The following BRD7 variants were observed in gnomAD, a reference collection of about 807,000 sequenced individuals.
BRD7 encodes bromodomain-containing protein 7.
A neutral mutation model predicts 82.1 loss-of-function variants in BRD7; 15 were observed. The ratio of observed to expected loss-of-function variants is 0.18; its 90% CI spans 0.12 to 0.28. The LOEUF is 0.28. Ranked by LOEUF, BRD7 falls within the 10% of genes least tolerant of loss-of-function variation. The pLI is 1.00. For missense variants in BRD7, 638 were observed against 779.9 expected (o/e 0.82, Z 2.17); for synonymous variants, 232 against 266.9 (o/e 0.87, Z 1.27).
At chr16:50,347,661 T>C (rs1406969571) in intron 5 of BRD7, among the ~76,000 whole-genome samples, 1 of 152,216 alleles carries the variant, frequency 6.6e-6, no homozygotes, top group Non-Finnish European at 1.5e-5. Flanking sequence ...CCATTCACAA[T>C]TGCTTCAAAG....
intron 5 of BRD7, 115 bp downstream of exon 5, chr16:50,349,908 T>C: frequency 9.6e-7 from 1 of 1,043,496 alleles, no homozygotes; most frequent in Admixed American, 2.8e-5. Flanking sequence ...ACAAAGATAC[T>C]GGATCTTAAA....
At chr16:50,360,280 T>G (rs995692267) in intron 2 of BRD7, among the ~76,000 whole-genome samples, 1 of 152,226 alleles carries the variant, frequency 6.6e-6, no homozygotes, top group African/African-American at 2.4e-5. Context: ...CACAAAAGCA[T>G]GCAAATTAAC....
At chr16:50,340,178 T>G (rs778408535) in intron 5 of BRD7, 92 bp from the exon 6 acceptor site, 1 of 597,534 alleles carries the variant, frequency 1.7e-6, no homozygotes, top group Non-Finnish European at 2.8e-6. Flanking sequence ...CTCTAAAAAT[T>G]TAAAAAGCAA....
intron 5 of BRD7, among the ~76,000 whole-genome samples, chr16:50,345,305 T>C (rs2038234811): frequency 6.6e-6 from 1 of 152,202 alleles, no homozygotes; most frequent in South Asian, 2.1e-4. Context: ...TACCAGCCAC[T>C]GCAAAAACAG....
At chr16:50,365,060 T>C (rs991729825) in intron 2 of BRD7, among the ~76,000 whole-genome samples, 2 of 152,180 alleles carry the variant, frequency 1.3e-5, no homozygotes, top group African/African-American at 4.8e-5. Context: ...TACTCCCGTA[T>C]GCAGAGAGGT....
At chr16:50,345,451 C>G (rs2038241448) in intron 5 of BRD7, among the ~76,000 whole-genome samples, 1 of 151,928 alleles carries the variant, frequency 6.6e-6, no homozygotes, top group Admixed American at 6.6e-5. Context: ...GCTAAATGCT[C>G]CAATTAAAAG....
In BRD7 at chr16:50,323,693, T is replaced by G. The variant is rs539023856; in HGVS notation, c.1337A>C (p.His446Pro). 2 of 1,612,574 alleles carry G rather than the reference T, an allele frequency of 1.2e-6. No individual in the cohort carries two copies. The highest frequency in any genetic ancestry group is 1.7e-6 in the Non-Finnish European group (2 of 1,178,746). The change falls in exon 12 of 17, where the codon CAT becomes CCT. Residue 446 changes from histidine (H) to proline (P), a missense_variant. Coordinates refer to ENST00000394688, the MANE Select transcript of BRD7 (RefSeq NM_013263.5). The part of the protein sequence containing the change: ...DSDLPSDFSI[H>P]EFLATCQDYP... ...ATCTTGGCACGTGGCCAAAAACTCATGGATGCTGCAAGAGACAGTTAGGAA... is the reference window on the plus strand; with the variant it reads ...ATCTTGGCACGTGGCCAAAAACTCAGGGATGCTGCAAGAGACAGTTAGGAA...
intron 6 of BRD7, among the ~76,000 whole-genome samples, chr16:50,337,386 G>C (rs1424963416): frequency 6.7e-6 from 1 of 150,048 alleles, no homozygotes; most frequent in Non-Finnish European, 1.5e-5. Context: ...TCAGCCTCCT[G>C]AGTAGCTGGA....
rs1319817940 is a variant in BRD7 at position 50,368,891 on chromosome 16, G to A, written c.-117C>T. 2.5e-5 allele frequency: 14 copies of A among 565,474 alleles called. No individual in the cohort carries two copies. The highest frequency in any genetic ancestry group is 1.3e-4 in the Admixed American group (2 of 15,418). 35.0% of individuals were successfully genotyped at this position (565,474 alleles called of 1,614,324 possible). On this transcript the variant is annotated 5_prime_UTR_variant, in exon 1 of 17. Transcript: ENST00000394688. ...CGGGGCCCGCGAGACCCCGCGCCGC[G>A]AGGCAGGGGGGCGGCGCGCGCCGGG...
At chr16:50,325,964 T>G in intron 10 of BRD7, 81 bp from the exon 11 acceptor site, 1 of 1,386,904 alleles carries the variant, frequency 7.2e-7, no homozygotes, top group Non-Finnish European at 9.7e-7. Context: ...GATTATTTAT[T>G]CTCTCCTAAC....
chr16:50,352,462 A>C (rs1325418699), intron 4 of BRD7, among the ~76,000 whole-genome samples: 1 of 152,190 alleles, frequency 6.6e-6, no homozygotes, highest in Non-Finnish European at 1.5e-5. Flanking sequence ...GGGCACTTAG[A>C]CTGATTCCAT....
At chr16:50,368,453 G>A (rs1186258223) in intron 1 of BRD7, 155 bp from the exon 2 acceptor site, 1 of 903,244 alleles carries the variant, frequency 1.1e-6, no homozygotes, top group Non-Finnish European at 1.6e-6. Context: ...CCGGCCCGGG[G>A]GTGCGGCGGC....
At chr16:50,366,355 G>C (rs2039143308) in intron 2 of BRD7, among the ~76,000 whole-genome samples, 1 of 152,304 alleles carries the variant, frequency 6.6e-6, no homozygotes, top group African/African-American at 2.4e-5. Context: ...GCCTCCAGGA[G>C]ACAGAAAGCT....
At chr16:50,341,316 T>C (rs2038043496) in intron 5 of BRD7, among the ~76,000 whole-genome samples, 1 of 151,936 alleles carries the variant, frequency 6.6e-6, no homozygotes. Flanking sequence ...AAGACCTTTG[T>C]TACAGATATT....
chr16:50,319,851 A>G, intron 16 of BRD7, 36 bp downstream of exon 16: 1 of 1,602,450 alleles, frequency 6.2e-7, no homozygotes. Flanking sequence ...TAGTCACCAT[A>G]GCTTTCTGCT....
intron 1 of BRD7, 188 bp from the exon 2 acceptor site, chr16:50,368,486 A>T: frequency 1.3e-6 from 1 of 767,126 alleles, no homozygotes. Flanking sequence ...GAACGCTCCC[A>T]GGCCTCCCGG....
At chr16:50,351,823 GGT>G (rs140591640) in intron 4 of BRD7, among the ~76,000 whole-genome samples, 36,075 of 151,826 alleles carry the variant, frequency 0.24, 4,938 homozygotes, top group African/African-American at 0.36. Flanking sequence ...AGGATACTTC[GGT>G]GTATCCTTGT....
chr16:50,338,426 C>T (rs1394346620), intron 6 of BRD7, among the ~76,000 whole-genome samples: 1 of 152,214 alleles, frequency 6.6e-6, no homozygotes, highest in Admixed American at 6.5e-5. Context: ...AGCATACAGA[C>T]ACTCAGACAT....
intron 2 of BRD7, among the ~76,000 whole-genome samples, chr16:50,362,513 A>G (rs1448046917): frequency 6.7e-6 from 1 of 148,470 alleles, no homozygotes; most frequent in Non-Finnish European, 1.5e-5. Flanking sequence ...TGTTCCTCGC[A>G]GCATTATTCA....
Sources: gnomAD v4.1 joint callset for allele counts (sites outside exome capture counted in the v4.1 genomes callset) on GRCh38, gnomAD v4.1.1 for gene constraint, MANE v1.5 for transcripts, NCBI Gene and HGNC (gene_info 2026-07-23, HGNC 2026-07-21) for gene names.